The following SDK1 variants were observed in gnomAD, a reference collection of about 807,000 sequenced individuals.
SDK1 encodes sidekick cell adhesion molecule 1.
SDK1 carries 157 observed loss-of-function variants against 245.5 expected under a neutral mutation model. That is an observed-to-expected ratio of 0.64 (90% CI 0.56 to 0.73). SDK1 has a LOEUF of 0.73. SDK1 is among the 30% of genes least tolerant of loss of function. SDK1 has a pLI of 0.00. For synonymous variants in SDK1, 1,647 were observed against 1,278.5 expected (o/e 1.29, Z -6.15); for missense variants, 3,583 against 3,002.3 (o/e 1.19, Z -4.52).
intron 44 of SDK1, among the ~76,000 whole-genome samples, chr7:4,257,044 A>T (rs961282894): frequency 2.6e-5 from 4 of 152,194 alleles, no homozygotes; most frequent in South Asian, 2.1e-4. Flanking sequence ...AGGGTTTGTC[A>T]CGGTTTTATC....
At chr7:3,655,323 C>T (rs1359491710) in intron 4 of SDK1, among the ~76,000 whole-genome samples, 1 of 150,370 alleles carries the variant, frequency 6.7e-6, no homozygotes, top group African/African-American at 2.4e-5. Flanking sequence ...ATCCCAGCTA[C>T]TCGGGAGGCT....
chr7:3,829,872 C>A (rs1413390101), intron 5 of SDK1, among the ~76,000 whole-genome samples: 3 of 152,176 alleles, frequency 2.0e-5, no homozygotes, highest in African/African-American at 7.2e-5. Flanking sequence ...CCTTTTGCAA[C>A]CCCAGTGAGG....
intron 1 of SDK1, among the ~76,000 whole-genome samples, chr7:3,412,026 A>T (rs751173844): frequency 1.3e-4 from 20 of 152,230 alleles, no homozygotes; most frequent in Non-Finnish European, 2.5e-4. Flanking sequence ...ATTTCATTAG[A>T]AGAAAGGGAA....
intron 4 of SDK1, among the ~76,000 whole-genome samples, chr7:3,691,281 T>G (rs183159659): frequency 1.1e-3 from 164 of 152,294 alleles, no homozygotes; most frequent in Non-Finnish European, 2.1e-3. Context: ...AAAAATGCCA[T>G]AGAATGAAAA....
chr7:3,810,201 A>G (rs1362803405), intron 4 of SDK1, among the ~76,000 whole-genome samples: 2 of 152,162 alleles, frequency 1.3e-5, no homozygotes, highest in Non-Finnish European at 2.9e-5. Context: ...GTCCTCATCT[A>G]CTTTTTAGAC....
chr7:4,194,400 ATGTATGCACATATG>A (rs1244756823), intron 35 of SDK1, among the ~76,000 whole-genome samples: 8,299 of 141,426 alleles, frequency 0.059, 864 homozygotes, highest in Middle Eastern at 0.15. Flanking sequence ...GTATACATAT[ATGTATGCACATATG>A]TGTATACATG....
At chr7:3,989,693 C>T (rs770790781) in intron 14 of SDK1, among the ~76,000 whole-genome samples, 9 of 152,180 alleles carry the variant, frequency 5.9e-5, no homozygotes, top group African/African-American at 1.4e-4. Context: ...TGGGCAGATT[C>T]AGCCTGAGTT....
At chr7:3,604,781 T>C (rs900145960) in intron 1 of SDK1, among the ~76,000 whole-genome samples, 6 of 151,806 alleles carry the variant, frequency 4.0e-5, no homozygotes, top group African/African-American at 1.5e-4. Context: ...TTTGTATTTT[T>C]AGGTGAGACA....
At chr7:3,980,049 G>A (rs1783275193) in intron 13 of SDK1, among the ~76,000 whole-genome samples, 1 of 152,100 alleles carries the variant, frequency 6.6e-6, no homozygotes, top group African/African-American at 2.4e-5. Flanking sequence ...GTTTCCCCCA[G>A]AGTTATCAAG....
chr7:3,957,057 A>G (rs1029347674), intron 7 of SDK1, among the ~76,000 whole-genome samples: 8 of 152,218 alleles, frequency 5.3e-5, no homozygotes, highest in Admixed American at 2.0e-4. Flanking sequence ...CAAGGGAACC[A>G]TGAAGAGTGA....
chr7:4,076,750 G>A (rs561158191), intron 20 of SDK1, among the ~76,000 whole-genome samples: 1 of 152,288 alleles, frequency 6.6e-6, no homozygotes, highest in Non-Finnish European at 1.5e-5. Context: ...GCTCGCCCTG[G>A]TAGGGAGGGA....
intron 1 of SDK1, among the ~76,000 whole-genome samples, chr7:3,512,354 G>T (rs1260566970): frequency 6.6e-6 from 1 of 152,130 alleles, no homozygotes; most frequent in African/African-American, 2.4e-5. Flanking sequence ...CAAAGTTTAT[G>T]TATTCACCTA....
Position 3,717,530 on chromosome 7 carries a change from G to C in SDK1, c.713+75425G>C, listed in dbSNP as rs559964995. 1.1e-4 allele frequency among the ~76,000 whole-genome samples: 16 copies of C among 152,204 alleles called. No homozygotes were observed. In the East Asian group the frequency reaches 3.1e-3, roughly 29 times the overall value. On this transcript the variant is annotated intron_variant, in intron 4 of 44. Coordinates refer to ENST00000404826, the MANE Select transcript of SDK1 (RefSeq NM_152744.4). Reference sequence around the variant, plus strand: ...ATTTAAGCTCCCACCTAAGAACCTAGAAAAAGCAGATAATAAGAGAAAAGA... The same window carrying C: ...ATTTAAGCTCCCACCTAAGAACCTACAAAAAGCAGATAATAAGAGAAAAGA...
chr7:4,245,430 C>T (rs1227561657), intron 43 of SDK1, among the ~76,000 whole-genome samples: 1 of 152,168 alleles, frequency 6.6e-6, no homozygotes, highest in Non-Finnish European at 1.5e-5. Context: ...TGGCACAGAC[C>T]AGCTCTTCCT....
rs116673238 is a variant in SDK1, at chr7:3,705,576, A to G, written c.713+63471A>G. ...GTTTGGTGGTTGTTGGCATGTAGCA[A>G]TGCTACTGATTGGTATACATTGATT... On this transcript the variant is annotated intron_variant, in intron 4 of 44. Coordinates refer to ENST00000404826, the MANE Select transcript of SDK1 (RefSeq NM_152744.4). Among the ~76,000 whole-genome samples the G allele has an allele frequency of 5.5e-3, 829 of 151,844 alleles. 6 individuals are homozygous for G. Among genetic ancestry groups the G allele is most frequent in the African/African-American group, 0.019 (771 of 41,404 alleles).
At chr7:3,603,188 CT>C (rs1349276119) in intron 1 of SDK1, among the ~76,000 whole-genome samples, 1 of 137,236 alleles carries the variant, frequency 7.3e-6, no homozygotes, top group Non-Finnish European at 1.6e-5. Context: ...TCCAGATGAA[CT>C]TTAAAGTAGT....
chr7:3,623,406 A>G (rs1044068218), intron 2 of SDK1, among the ~76,000 whole-genome samples: 1 of 151,858 alleles, frequency 6.6e-6, no homozygotes, highest in South Asian at 2.1e-4. Context: ...ACGCCTGGCT[A>G]ATTTTTTTAT....
intron 1 of SDK1, among the ~76,000 whole-genome samples, chr7:3,435,160 CTGTA>C (rs755394132): frequency 7.5e-6 from 1 of 133,330 alleles, no homozygotes; most frequent in Non-Finnish European, 1.5e-5. Flanking sequence ...GCAAAAGTCT[CTGTA>C]TTTTTTTTTT....
At chr7:3,758,744 A>G (rs1308087045) in intron 4 of SDK1, among the ~76,000 whole-genome samples, 1 of 152,132 alleles carries the variant, frequency 6.6e-6, no homozygotes, top group East Asian at 1.9e-4. Flanking sequence ...GGGAAATAGG[A>G]TTAGAAACCA....
Sources: gnomAD v4.1 joint callset for allele counts (sites outside exome capture counted in the v4.1 genomes callset) on GRCh38, gnomAD v4.1.1 for gene constraint, MANE v1.5 for transcripts, NCBI Gene and HGNC (gene_info 2026-07-23, HGNC 2026-07-21) for gene names.